LMNTD1: variants seen among roughly 807,000 people sequenced by gnomAD.
The protein encoded by LMNTD1 is lamin tail domain-containing protein 1.
A neutral mutation model predicts 50.9 loss-of-function variants in LMNTD1; 35 were observed. The ratio of observed to expected loss-of-function variants is 0.69; its 90% CI spans 0.53 to 0.91. The LOEUF is 0.91. Among genes scored for constraint, LMNTD1 ranks in the 40% least tolerant of loss-of-function variants. The pLI is 0.00. For missense variants in LMNTD1, 470 were observed against 475.5 expected (o/e 0.99, Z 0.11); for synonymous variants, 153 against 161.9 (o/e 0.94, Z 0.42).
intron 1 of LMNTD1, among the ~76,000 whole-genome samples, chr12:25,643,873 C>T (rs1947003617): frequency 6.6e-6 from 1 of 152,126 alleles, no homozygotes; most frequent in Admixed American, 6.6e-5. Context: ...GCAAATGGCA[C>T]ATAGCTGACA....
At chr12:25,489,922 T>C (rs995492784) in intron 9 of LMNTD1, among the ~76,000 whole-genome samples, 8 of 152,214 alleles carry the variant, frequency 5.3e-5, no homozygotes, top group Non-Finnish European at 1.2e-4. Flanking sequence ...GAAAGATTTA[T>C]TTTGATGCCA....
At chr12:25,629,079 A>C (rs1946657607) in intron 1 of LMNTD1, among the ~76,000 whole-genome samples, 1 of 152,086 alleles carries the variant, frequency 6.6e-6, no homozygotes, top group South Asian at 2.1e-4. Flanking sequence ...AACATACTGA[A>C]GATGTAGAAA....
At chr12:25,563,188 G>A (rs1012861639) in intron 1 of LMNTD1, among the ~76,000 whole-genome samples, 1 of 152,242 alleles carries the variant, frequency 6.6e-6, no homozygotes, top group African/African-American at 2.4e-5. Flanking sequence ...TTGCTGGCGA[G>A]TAGCTGCGTT....
At chr12:25,505,318 C>T (rs1027508649) in intron 8 of LMNTD1, among the ~76,000 whole-genome samples, 8 of 152,078 alleles carry the variant, frequency 5.3e-5, no homozygotes, top group Non-Finnish European at 1.2e-4. Context: ...AGGTTACAAT[C>T]TTTCATAACT....
intron 1 of LMNTD1, among the ~76,000 whole-genome samples, chr12:25,589,331 C>G (rs1945628824): frequency 6.6e-6 from 1 of 152,056 alleles, no homozygotes; most frequent in Non-Finnish European, 1.5e-5. Flanking sequence ...AAGTTAAAAA[C>G]TTACAAAATT....
At chr12:25,535,073 T>C (rs1030983668) in intron 4 of LMNTD1, among the ~76,000 whole-genome samples, 3 of 152,130 alleles carry the variant, frequency 2.0e-5, no homozygotes, top group Admixed American at 2.0e-4. Context: ...TAAAAAATGA[T>C]GCAGAACTGA....
At chr12:25,498,947 G>T (rs1939226875) in intron 9 of LMNTD1, among the ~76,000 whole-genome samples, 1 of 152,140 alleles carries the variant, frequency 6.6e-6, no homozygotes, top group Non-Finnish European at 1.5e-5. Context: ...TGCTTCAGTT[G>T]TTATAGCAAT....
At chr12:25,615,875 T>C (rs1946342920) in intron 1 of LMNTD1, among the ~76,000 whole-genome samples, 1 of 152,234 alleles carries the variant, frequency 6.6e-6, no homozygotes, top group African/African-American at 2.4e-5. Context: ...AAATAAATTA[T>C]TCTTTATTTC....
At chr12:25,484,052 C>T (rs1012340287) in intron 9 of LMNTD1, among the ~76,000 whole-genome samples, 10 of 151,530 alleles carry the variant, frequency 6.6e-5, no homozygotes, top group African/African-American at 1.5e-4. Flanking sequence ...TTAAGTCACC[C>T]GGATAGTTAA....
At chr12:25,565,050 G>A (rs1467036994) in intron 1 of LMNTD1, among the ~76,000 whole-genome samples, 2 of 152,148 alleles carry the variant, frequency 1.3e-5, no homozygotes, top group Non-Finnish European at 2.9e-5. Context: ...AGCTCTGCCT[G>A]CTCTTCTCTT....
In LMNTD1 at chr12:25,512,191, T is replaced by C. The variant is rs575763578; in HGVS notation, c.1189+6604A>G. On this transcript the variant is annotated intron_variant, in intron 8 of 9. Transcript: ENST00000458174. ...TTTTGCAACATTTGCTTTGGTTATA[T>C]AGGTTTGAAATACATATTTGCAGCT... Among the ~76,000 whole-genome samples the C allele has an allele frequency of 3.3e-5, 5 of 152,362 alleles. 1 individual carries two copies. The highest frequency in any genetic ancestry group is 2.1e-4 in the South Asian group (1 of 4,834).
intron 1 of LMNTD1, among the ~76,000 whole-genome samples, chr12:25,576,159 A>G (rs1945010937): frequency 6.6e-6 from 1 of 152,286 alleles, no homozygotes; most frequent in South Asian, 2.1e-4. Context: ...ATATGTGTGC[A>G]TGTGTCTTTA....
intron 1 of LMNTD1, among the ~76,000 whole-genome samples, chr12:25,603,532 A>C (rs1946025275): frequency 6.6e-6 from 1 of 151,976 alleles, no homozygotes; most frequent in Non-Finnish European, 1.5e-5. Flanking sequence ...AGATTAATAC[A>C]CCTTTTTTAA....
intron 1 of LMNTD1, among the ~76,000 whole-genome samples, chr12:25,610,837 G>A (rs1946224508): frequency 6.6e-6 from 1 of 152,196 alleles, no homozygotes; most frequent in Non-Finnish European, 1.5e-5. Context: ...TCAAGGCTCA[G>A]CTAGCTTCAG....
At chr12:25,531,956 C>T (rs2136123535) in intron 4 of LMNTD1, among the ~76,000 whole-genome samples, 2 of 151,876 alleles carry the variant, frequency 1.3e-5, no homozygotes, top group Admixed American at 1.3e-4. Context: ...ATTTTTTTTA[C>T]TTCTAGAACT....
At chr12:25,482,933 A>G (rs1176111799) in intron 9 of LMNTD1, among the ~76,000 whole-genome samples, 1 of 151,964 alleles carries the variant, frequency 6.6e-6, no homozygotes, top group Non-Finnish European at 1.5e-5. Flanking sequence ...TACAGGACCC[A>G]TCTAGTTTGG....
chr12:25,526,082 A>G lies in LMNTD1; in HGVS notation c.798+17T>C, dbSNP rs746695878. ...TATTTAAAAAAAAAAAACGATTGTTAAGAACCAGAAACTAACTTGACCGTT... is the reference window on the plus strand; with the variant it reads ...TATTTAAAAAAAAAAAACGATTGTTGAGAACCAGAAACTAACTTGACCGTT... On this transcript the variant is annotated intron_variant, in intron 6 of 9. Transcript: ENST00000458174. 16 of 1,544,970 alleles carry G rather than the reference A, an allele frequency of 1.0e-5. No homozygotes were observed. The highest frequency in any genetic ancestry group is 6.3e-5 in the South Asian group (5 of 79,196).
intron 9 of LMNTD1, among the ~76,000 whole-genome samples, chr12:25,482,676 A>G (rs994358061): frequency 2.6e-5 from 4 of 152,014 alleles, no homozygotes; most frequent in African/African-American, 4.8e-5. Flanking sequence ...CAGTTTTTCC[A>G]GAAGCCTCTC....
chr12:25,547,689 T>C (rs1943515384), intron 3 of LMNTD1, among the ~76,000 whole-genome samples: 1 of 151,856 alleles, frequency 6.6e-6, no homozygotes, highest in African/African-American at 2.4e-5. Context: ...AGTACTTCCT[T>C]AATCCTTAAA....
Sources: allele counts gnomAD v4.1 joint callset (sites outside exome capture counted in the v4.1 genomes callset), GRCh38; gene constraint gnomAD v4.1.1; transcripts MANE v1.5; gene names NCBI Gene and HGNC (gene_info 2026-07-23, HGNC 2026-07-21).